The following NBEA variants were observed in gnomAD, a reference collection of about 807,000 sequenced individuals.
NBEA encodes the protein lysosomal-trafficking regulator 2.
NBEA carries 44 observed loss-of-function variants against 343.4 expected under a neutral mutation model. The ratio of observed to expected loss-of-function variants is 0.13; its 90% CI spans 0.10 to 0.16. NBEA has a LOEUF of 0.16. Ranked by LOEUF, NBEA falls within the 10% of genes least tolerant of loss-of-function variation. The probability of loss-of-function intolerance (pLI) is 1.00; values close to 1 mark genes in which losing one functional copy is unlikely to be tolerated. For synonymous variants in NBEA, 1,175 were observed against 1,238.7 expected (o/e 0.95, Z 1.08); for missense variants, 2,555 against 3,631.3 (o/e 0.70, Z 7.62).
chr13:35,285,533 T>G (rs2035363776), intron 34 of NBEA, among the ~76,000 whole-genome samples: 1 of 152,142 alleles, frequency 6.6e-6, no homozygotes, highest in South Asian at 2.1e-4. Context: ...TAATTTGCTT[T>G]CCTTATCTCA....
intron 26 of NBEA, among the ~76,000 whole-genome samples, chr13:35,172,118 C>T (rs982873289): frequency 6.6e-6 from 1 of 152,026 alleles, no homozygotes; most frequent in African/African-American, 2.4e-5. Flanking sequence ...GACATAAGAA[C>T]TGCAAGGCAT....
chr13:35,590,680 A>G (rs2081494256), intron 46 of NBEA, among the ~76,000 whole-genome samples: 1 of 152,108 alleles, frequency 6.6e-6, no homozygotes, highest in Non-Finnish European at 1.5e-5. Context: ...TCTGTTTAAT[A>G]GGTTAAAAAA....
chr13:35,160,762 G>A (rs2069495667), intron 22 of NBEA, among the ~76,000 whole-genome samples: 1 of 152,094 alleles, frequency 6.6e-6, no homozygotes, highest in Non-Finnish European at 1.5e-5. Flanking sequence ...AACAGATGAT[G>A]TTTTCTGATA....
chr13:35,319,000 T>C (rs2037945829), intron 36 of NBEA, among the ~76,000 whole-genome samples: 1 of 152,206 alleles, frequency 6.6e-6, no homozygotes, highest in Non-Finnish European at 1.5e-5. Flanking sequence ...GTTTTCTTTT[T>C]TATTATTCTG....
In NBEA at chr13:35,456,992, A is replaced by G. The variant is rs1594700870; in HGVS notation, c.6448+4757A>G. Among the ~76,000 whole-genome samples, 3 of 149,034 alleles carry G rather than the reference A, an allele frequency of 2.0e-5. No homozygotes were observed. The South Asian group carries it at 6.4e-4, about 32-fold the overall frequency. On this transcript the variant is annotated intron_variant, in intron 40 of 58. Transcript: ENST00000379939. ...CGTATATTGTTATTAGTTTATATAT[A>G]TATAGATATATAGATATAGATATAT...
At chr13:34,999,695 A>G (rs1410231087) in intron 1 of NBEA, among the ~76,000 whole-genome samples, 2 of 151,998 alleles carry the variant, frequency 1.3e-5, no homozygotes, top group Non-Finnish European at 2.9e-5. Flanking sequence ...ATGGGTTTGA[A>G]TTCATTTGTT....
chr13:35,108,969 G>A (rs1458849250), intron 11 of NBEA, among the ~76,000 whole-genome samples: 1 of 151,914 alleles, frequency 6.6e-6, no homozygotes, highest in Non-Finnish European at 1.5e-5. Context: ...ATCTCTTCTT[G>A]TATGTCAATT....
In NBEA at chr13:35,231,871, A is replaced by T. The variant is rs183293751; in HGVS notation, c.5649-621A>T. Among the ~76,000 whole-genome samples the T allele has an allele frequency of 5.3e-5, 8 of 152,168 alleles. No homozygotes were observed. The East Asian group carries it at 1.5e-3, about 29-fold the overall frequency. Reference sequence around the variant, plus strand: ...AAGCAGAAATATTTTCCTCCTCCCCATTTTTTACTTTTACATGTACCAAAG... The same window carrying T: ...AAGCAGAAATATTTTCCTCCTCCCCTTTTTTTACTTTTACATGTACCAAAG... On this transcript the variant is annotated intron_variant, in intron 33 of 58. Transcript: ENST00000379939.
intron 33 of NBEA, among the ~76,000 whole-genome samples, chr13:35,213,686 G>T (rs193124796): frequency 6.7e-6 from 1 of 148,238 alleles, no homozygotes; most frequent in Non-Finnish European, 1.5e-5. Flanking sequence ...TTATTCTTAG[G>T]AATTGAATAT....
intron 38 of NBEA, among the ~76,000 whole-genome samples, chr13:35,388,996 C>T (rs1362791854): frequency 1.3e-5 from 2 of 150,542 alleles, no homozygotes; most frequent in East Asian, 1.9e-4. Context: ...GCTAAGACTT[C>T]TTGAAAAGTC....
At chr13:35,079,879 C>T (rs929209763) in intron 10 of NBEA, among the ~76,000 whole-genome samples, 9 of 151,994 alleles carry the variant, frequency 5.9e-5, no homozygotes, top group East Asian at 3.9e-4. Context: ...TTCATTTTCA[C>T]GTAATTCATG....
At chr13:35,571,123 C>T (rs1483641921) in intron 45 of NBEA, among the ~76,000 whole-genome samples, 1 of 152,112 alleles carries the variant, frequency 6.6e-6, no homozygotes, top group African/African-American at 2.4e-5. Context: ...GTGAATAATT[C>T]TAGAATTTGT....
chr13:35,447,050 A>G (rs531900334), intron 39 of NBEA, among the ~76,000 whole-genome samples: 4 of 152,098 alleles, frequency 2.6e-5, no homozygotes, highest in Non-Finnish European at 5.9e-5. Context: ...AGTTGATTAT[A>G]GGAGGATTTC....
At chr13:35,421,513 A>G (rs1004357178) in intron 38 of NBEA, among the ~76,000 whole-genome samples, 2 of 152,106 alleles carry the variant, frequency 1.3e-5, no homozygotes, top group Non-Finnish European at 1.5e-5. Context: ...AAATATACTT[A>G]GAACCACATC....
chr13:35,177,164 C>A (rs772062183), intron 28 of NBEA, 61 bp downstream of exon 28: 46 of 1,297,888 alleles, frequency 3.5e-5, no homozygotes, highest in Non-Finnish European at 4.7e-5. Flanking sequence ...GTATGAAATA[C>A]GTTTTATAAG....
intron 34 of NBEA, among the ~76,000 whole-genome samples, chr13:35,259,746 A>G (rs1256701131): frequency 6.6e-6 from 1 of 152,180 alleles, no homozygotes; most frequent in Admixed American, 6.5e-5. Flanking sequence ...TAGTTAAATG[A>G]TATTTCATCA....
chr13:34,959,084 A>T (rs1286853258), intron 1 of NBEA, among the ~76,000 whole-genome samples: 1 of 152,160 alleles, frequency 6.6e-6, no homozygotes, highest in Non-Finnish European at 1.5e-5. Flanking sequence ...AATACCTTAG[A>T]AGCCAGGTCA....
chr13:35,080,028 G>A (rs2064306835), intron 10 of NBEA, among the ~76,000 whole-genome samples: 1 of 152,048 alleles, frequency 6.6e-6, no homozygotes, highest in Non-Finnish European at 1.5e-5. Flanking sequence ...ACCTATTTCT[G>A]AAGTATGGGT....
At chr13:35,044,579 C>T (rs2062773046) in intron 2 of NBEA, among the ~76,000 whole-genome samples, 1 of 149,376 alleles carries the variant, frequency 6.7e-6, no homozygotes, top group East Asian at 2.0e-4. Flanking sequence ...CCTACCTTTC[C>T]CTGCACACAG....
Sources: gnomAD v4.1 joint callset for allele counts (sites outside exome capture counted in the v4.1 genomes callset) on GRCh38, gnomAD v4.1.1 for gene constraint, MANE v1.5 for transcripts, NCBI Gene and HGNC (gene_info 2026-07-23, HGNC 2026-07-21) for gene names.